POC1B: variants seen among roughly 807,000 people sequenced by gnomAD.
POC1B encodes POC1 centriolar protein B, also known as POC1 centriolar protein homolog B.
Under a neutral mutation model 60.6 loss-of-function variants are expected in POC1B, and 44 were observed. That is an observed-to-expected ratio of 0.73 (90% CI 0.57 to 0.93). The LOEUF is 0.93. Ranked by LOEUF, POC1B falls within the 40% of genes least tolerant of loss-of-function variation. The pLI is 0.00. For missense variants in POC1B, 555 were observed against 572.3 expected (o/e 0.97, Z 0.31); for synonymous variants, 180 against 198.9 (o/e 0.90, Z 0.80).
downstream of POC1B, among the ~76,000 whole-genome samples, chr12:89,418,263 C>T (rs1880399094): frequency 1.3e-5 from 2 of 152,172 alleles, no homozygotes; most frequent in Admixed American, 1.3e-4. Flanking sequence ...GGAGGGAACA[C>T]TTTGCTTCTT....
At chr12:89,417,236 C>T (rs952657531), downstream of POC1B, among the ~76,000 whole-genome samples, 1 of 152,158 alleles carries the variant, frequency 6.6e-6, no homozygotes, top group Non-Finnish European at 1.5e-5. Context: ...GCAGCTCTAG[C>T]GCCCAGAGAT....
chr12:89,407,664 T>G, the POC1B span, among the ~76,000 whole-genome samples: 1,953 of 152,254 alleles, frequency 0.013, 28 homozygotes, highest in Non-Finnish European at 0.018. Flanking sequence ...AGGAGCCAAC[T>G]TGATCAACAC....
chr12:89,407,223 T>C, the POC1B span, among the ~76,000 whole-genome samples: 21 of 151,848 alleles, frequency 1.4e-4, no homozygotes, highest in Non-Finnish European at 8.8e-5. Flanking sequence ...TTTTTTCTTT[T>C]TTTGGGGGGT....
intron 2 of POC1B, chr12:89,524,087 T>C: frequency 6.2e-7 from 1 of 1,613,982 alleles, no homozygotes; most frequent in Non-Finnish European, 8.5e-7. Flanking sequence ...ACACTGTGAA[T>C]GGTACGGAGC....
intron 10 of POC1B, among the ~76,000 whole-genome samples, chr12:89,435,927 AG>A (rs1881242370): frequency 6.6e-6 from 1 of 151,584 alleles, no homozygotes; most frequent in South Asian, 2.1e-4. Flanking sequence ...ATGAGTAAGC[AG>A]GAAGTTTTTT....
chr12:89,457,683 AC>A (rs1389778117), intron 10 of POC1B, among the ~76,000 whole-genome samples: 1 of 152,166 alleles, frequency 6.6e-6, no homozygotes, highest in Non-Finnish European at 1.5e-5. Flanking sequence ...ATTGGGTGAA[AC>A]CATGTGAAGT....
chr12:89,502,767 G>A, intron 2 of POC1B: 1 of 1,339,572 alleles, frequency 7.5e-7, no homozygotes, highest in Non-Finnish European at 1.0e-6. Context: ...CAGCATGTTG[G>A]CCAGGATATA....
chr12:89,487,463 G>C (rs973403576), intron 4 of POC1B, among the ~76,000 whole-genome samples: 1 of 152,298 alleles, frequency 6.6e-6, no homozygotes, highest in Middle Eastern at 3.4e-3. Flanking sequence ...TGGAAGAGAG[G>C]TAGTCTTATG....
chr12:89,447,514 T>C (rs1322131021), intron 10 of POC1B, among the ~76,000 whole-genome samples: 1 of 152,154 alleles, frequency 6.6e-6, no homozygotes, highest in African/African-American at 2.4e-5. Context: ...ATTCTTCAAA[T>C]TTCAACTGAT....
chr12:89,514,466 C>T (rs552883954), intron 2 of POC1B, among the ~76,000 whole-genome samples: 19 of 121,014 alleles, frequency 1.6e-4, no homozygotes, highest in South Asian at 1.1e-3. Flanking sequence ...TGGAGTACAG[C>T]GGCATGATCT....
At chr12:89,415,980 C>A (rs924801732), downstream of POC1B, among the ~76,000 whole-genome samples, 2 of 152,208 alleles carry the variant, frequency 1.3e-5, no homozygotes, top group Non-Finnish European at 2.9e-5. Context: ...TTCCAGCCCA[C>A]CCGCCCTAGT....
chr12:89,412,609 G>C, the POC1B span, among the ~76,000 whole-genome samples: 1 of 151,400 alleles, frequency 6.6e-6, no homozygotes, highest in African/African-American at 2.4e-5. Context: ...CCCGGGAGGT[G>C]GAAGTTGCAG....
intron 2 of POC1B, among the ~76,000 whole-genome samples, chr12:89,504,124 GA>G (rs1869774595): frequency 6.6e-6 from 1 of 152,252 alleles, no homozygotes; most frequent in African/African-American, 2.4e-5. Flanking sequence ...AGCTCATTGA[GA>G]ACGGGCCATG....
At chr12:89,460,045 A>T (rs1040303999) in intron 9 of POC1B, 10 of 392,926 alleles carry the variant, frequency 2.5e-5, no homozygotes, top group Non-Finnish European at 5.0e-5. Context: ...AATCCTAGCC[A>T]GTTCAGTAAG....
At chr12:89,474,640 G>T (rs1883036136) in intron 4 of POC1B, among the ~76,000 whole-genome samples, 1 of 152,196 alleles carries the variant, frequency 6.6e-6, no homozygotes, top group Non-Finnish European at 1.5e-5. Flanking sequence ...GTGTTATCAG[G>T]TCAGTGGGGA....
chr12:89,502,482 C>T, intron 2 of POC1B: 3 of 1,126,222 alleles, frequency 2.7e-6, no homozygotes. Flanking sequence ...GAAAAGTTGA[C>T]AAAAAAATCT....
At chr12:89,492,195 C>T in intron 3 of POC1B, 80 bp from the exon 4 acceptor site, 1 of 1,133,716 alleles carries the variant, frequency 8.8e-7, no homozygotes, top group Non-Finnish European at 1.2e-6. Context: ...GACTTTGAAA[C>T]ATATAAAATA....
At chr12:89,524,627 A>G in intron 2 of POC1B, 2 of 1,463,236 alleles carry the variant, frequency 1.4e-6, no homozygotes, top group Non-Finnish European at 1.9e-6. Flanking sequence ...CCACAGCTCG[A>G]GCTCAGGTAC....
At chr12:89,492,218 TG>T in intron 3 of POC1B, 103 bp from the exon 4 acceptor site, 1 of 986,254 alleles carries the variant, frequency 1.0e-6, no homozygotes, top group Non-Finnish European at 1.4e-6. Context: ...TTAAATAAAA[TG>T]GTTTAACTCT....
Sources: allele counts gnomAD v4.1 joint callset (sites outside exome capture counted in the v4.1 genomes callset), GRCh38; gene constraint gnomAD v4.1.1; transcripts MANE v1.5; gene names NCBI Gene and HGNC (gene_info 2026-07-23, HGNC 2026-07-21).